KIAA1958: variants seen among roughly 807,000 people sequenced by gnomAD.
KIAA1958 encodes KIAA1958.
In KIAA1958, 14 loss-of-function variants were observed where a neutral mutation model predicts 47.2. The observed-to-expected ratio is 0.30, with a 90% CI of 0.20 to 0.46. The LOEUF is 0.46. Among genes scored for constraint, KIAA1958 ranks in the 20% least tolerant of loss-of-function variants. The pLI is 1.00. For missense variants in KIAA1958, 803 were observed against 909.2 expected (o/e 0.88, Z 1.50); for synonymous variants, 354 against 353.3 (o/e 1.00, Z -0.02).
rs376035647 is a variant in KIAA1958, at chr9:112,534,473, GTTTTTTCCT to G, written c.-24-39583_-24-39575del. 7.4e-3 allele frequency among the ~76,000 whole-genome samples: 1,116 copies of G among 151,544 alleles called. 14 individuals carry two copies. Among genetic ancestry groups the G allele is most frequent in the African/African-American group, 0.026 (1,075 of 41,368 alleles). Reference sequence around the variant, plus strand: ...ATACATTTTGTGAGCATTCGTTGATGTTTTTTCCTACTGTGAAATACTTGTTTGTATCTT... The same window carrying G: ...ATACATTTTGTGAGCATTCGTTGATGACTGTGAAATACTTGTTTGTATCTT... On this transcript the variant is annotated intron_variant, in intron 1 of 3. Transcript: ENST00000337530.
intron 1 of KIAA1958, among the ~76,000 whole-genome samples, chr9:112,554,665 C>T (rs570917171): frequency 2.6e-5 from 4 of 152,242 alleles, no homozygotes; most frequent in African/African-American, 9.6e-5. Context: ...GATTCCCAAA[C>T]CCAACCTCTT....
At chr9:112,616,470 A>G (rs1412923420) in intron 2 of KIAA1958, among the ~76,000 whole-genome samples, 3 of 152,264 alleles carry the variant, frequency 2.0e-5, no homozygotes, top group Non-Finnish European at 2.9e-5. Flanking sequence ...GGATGTGGTA[A>G]TTAGAAAGAC....
intron 1 of KIAA1958, among the ~76,000 whole-genome samples, chr9:112,520,046 G>C (rs541199727): frequency 9.2e-5 from 14 of 152,224 alleles, no homozygotes; most frequent in African/African-American, 3.4e-4. Context: ...CTTAAGTTTT[G>C]TGTGTATGGG....
intron 3 of KIAA1958, among the ~76,000 whole-genome samples, chr9:112,652,542 G>GA (rs1427021593): frequency 1.3e-5 from 2 of 152,178 alleles, no homozygotes; most frequent in African/African-American, 4.8e-5. Context: ...TGGAAATTAA[G>GA]AAAAACGTTC....
chr9:112,556,197 G>T lies in KIAA1958; in HGVS notation c.-24-17860G>T, dbSNP rs187152160. On this transcript the variant is annotated intron_variant, in intron 1 of 3. Coordinates refer to ENST00000337530, the MANE Select transcript of KIAA1958 (RefSeq NM_133465.4). Reference sequence around the variant, plus strand: ...AGTTTAAAATACTGCATGACATCTTGCATCTTCCTTAAGTAGACCTCAGCT... The same window carrying T: ...AGTTTAAAATACTGCATGACATCTTTCATCTTCCTTAAGTAGACCTCAGCT... 2.0e-5 allele frequency among the ~76,000 whole-genome samples: 3 copies of T among 152,272 alleles called. No individual in the cohort carries two copies. In the East Asian group the frequency reaches 5.8e-4, roughly 29 times the overall value.
At chr9:112,576,546 GCTTT>G (rs1835649801) in intron 2 of KIAA1958, among the ~76,000 whole-genome samples, 2 of 151,960 alleles carry the variant, frequency 1.3e-5, no homozygotes, top group Admixed American at 1.3e-4. Flanking sequence ...CTGCTAATCT[GCTTT>G]CTGTCTATGG....
At position 112,545,065 on chromosome 9, in the gene KIAA1958, C is replaced by T. The variant is rs140921574; in HGVS notation, c.-24-28992C>T. ...CAGACTCTTAAGGTACTTATAAAAC[C>T]TCAAGGACTATTGATACTGGTCATT... is the stretch of plus-strand genomic sequence containing the variant. On this transcript the variant is annotated intron_variant, in intron 1 of 3. Coordinates refer to ENST00000337530, the MANE Select transcript of KIAA1958 (RefSeq NM_133465.4). Among the ~76,000 whole-genome samples, 1,054 of 152,206 alleles carry T rather than the reference C, an allele frequency of 6.9e-3. 44 individuals are homozygous for T. Among genetic ancestry groups the T allele is most frequent in the Admixed American group, 0.061 (928 of 15,280 alleles).
At chr9:112,519,052 C>A (rs577514885) in intron 1 of KIAA1958, among the ~76,000 whole-genome samples, 4 of 152,206 alleles carry the variant, frequency 2.6e-5, no homozygotes, top group South Asian at 4.2e-4. Flanking sequence ...GTTTCAGCCT[C>A]CCAAGTAGCT....
chr9:112,576,600 T>C (rs913687784), intron 2 of KIAA1958, among the ~76,000 whole-genome samples: 5 of 152,230 alleles, frequency 3.3e-5, no homozygotes, highest in African/African-American at 1.2e-4. Flanking sequence ...TGGAATCATA[T>C]ATTATGTGGT....
intron 3 of KIAA1958, among the ~76,000 whole-genome samples, chr9:112,646,899 G>T (rs1026130515): frequency 2.0e-5 from 3 of 152,210 alleles, no homozygotes; most frequent in Admixed American, 6.5e-5. Flanking sequence ...ATTTGCAGAT[G>T]GAAATGGCCA....
At chr9:112,650,453 G>T (rs763030322) in intron 3 of KIAA1958, among the ~76,000 whole-genome samples, 14 of 152,166 alleles carry the variant, frequency 9.2e-5, no homozygotes, top group Admixed American at 2.0e-4. Flanking sequence ...GGGTAGTGTT[G>T]TAAAGTTCCA....
Position 112,555,670 on chromosome 9 carries a change from G to T in KIAA1958, c.-24-18387G>T, listed in dbSNP as rs369208858. Among the ~76,000 whole-genome samples the T allele has an allele frequency of 4.6e-5, 7 of 152,206 alleles. No individual in the cohort carries two copies. The East Asian group carries it at 1.2e-3, about 25-fold the overall frequency. On this transcript the variant is annotated intron_variant, in intron 1 of 3. Coordinates refer to ENST00000337530, the MANE Select transcript of KIAA1958 (RefSeq NM_133465.4). The stretch of plus-strand genomic sequence containing the variant: ...CAGAAGGGGCAGAAAAGGGACAGAC[G>T]CTGTGCGCTCGAATAGCAGAAGGAC...
chr9:112,628,197 A>T (rs535908943), intron 2 of KIAA1958, among the ~76,000 whole-genome samples: 1 of 152,332 alleles, frequency 6.6e-6, no homozygotes, highest in East Asian at 1.9e-4. Context: ...ATGGGCTTGT[A>T]ATTACAAGAT....
At chr9:112,557,414 G>T (rs1564171489) in intron 1 of KIAA1958, among the ~76,000 whole-genome samples, 1 of 152,166 alleles carries the variant, frequency 6.6e-6, no homozygotes, top group Non-Finnish European at 1.5e-5. Flanking sequence ...CATCTGTCCA[G>T]CCCCTAAGCA....
rs759779754 is a variant in KIAA1958 at position 112,575,086 on chromosome 9, C to G, written c.1006C>G (p.Gln336Glu). The change falls in exon 2 of 4, where the codon CAA (glutamine) becomes GAA (glutamate). Residue 336 changes from glutamine (Q) to glutamate (E), a missense_variant. Physicochemically the swap from Gln to Glu is conservative, Grantham distance 29. Transcript: ENST00000337530. ...SALQLPGQDE[Q>E]VASEEFLSHL... ...CCTGCAGCTGCCTGGACAGGATGAG[C>G]AAGTTGCCTCTGAAGAGTTCCTGTC... 6.2e-7 allele frequency: 1 copy of G among 1,612,436 alleles called. No homozygotes were observed. Among genetic ancestry groups the G allele is most frequent in the South Asian group, 1.1e-5 (1 of 91,070 alleles).
intron 3 of KIAA1958, among the ~76,000 whole-genome samples, chr9:112,653,774 T>A (rs1052075865): frequency 2.0e-5 from 3 of 152,074 alleles, no homozygotes; most frequent in African/African-American, 7.2e-5. Context: ...GTGGTATGCA[T>A]CTGTAATCCC....
At chr9:112,507,097 G>T (rs1448138274) in intron 1 of KIAA1958, among the ~76,000 whole-genome samples, 2 of 151,808 alleles carry the variant, frequency 1.3e-5, no homozygotes, top group African/African-American at 4.8e-5. Flanking sequence ...AGTATTTGTG[G>T]GTAGAGGGAA....
chr9:112,528,836 G>T (rs1342342863), intron 1 of KIAA1958, among the ~76,000 whole-genome samples: 1 of 152,034 alleles, frequency 6.6e-6, no homozygotes, highest in Non-Finnish European at 1.5e-5. Context: ...ATTTGTTTTT[G>T]AGTCCCCAGC....
chr9:112,527,490 G>T (rs1437011706), intron 1 of KIAA1958, among the ~76,000 whole-genome samples: 2 of 152,182 alleles, frequency 1.3e-5, no homozygotes, highest in Non-Finnish European at 2.9e-5. Flanking sequence ...TTTGTCTTTT[G>T]GAGACCACAC....
Sources: gnomAD v4.1 joint callset for allele counts (sites outside exome capture counted in the v4.1 genomes callset) on GRCh38, gnomAD v4.1.1 for gene constraint, MANE v1.5 for transcripts, NCBI Gene and HGNC (gene_info 2026-07-23, HGNC 2026-07-21) for gene names.